The following AGBL4 variants were observed in gnomAD, a reference collection of about 807,000 sequenced individuals.
AGBL4 encodes the protein AGBL carboxypeptidase 4.
In AGBL4, 58 loss-of-function variants were observed where a neutral mutation model predicts 66.4. The observed-to-expected ratio is 0.87, with a 90% CI of 0.71 to 1.09. The LOEUF is 1.09. Ranked by LOEUF, AGBL4 falls within the 50% of genes least tolerant of loss-of-function variation. The pLI, the probability that AGBL4 is intolerant of heterozygous loss-of-function variation, is 0.00. For missense variants in AGBL4, 579 were observed against 631.0 expected, an observed-to-expected ratio of 0.92 and a Z score of 0.88; for synonymous variants, 234 against 222.9, an observed-to-expected ratio of 1.05 and a Z score of -0.44.
chr1:48,710,278 C>T (rs749881532), intron 6 of AGBL4, among the ~76,000 whole-genome samples: 1 of 152,294 alleles, frequency 6.6e-6, no homozygotes, highest in Admixed American at 6.5e-5. Context: ...GGACTCTGAG[C>T]TCTGAAGTTC....
At chr1:49,787,061 G>T (rs1474164791) in intron 2 of AGBL4, among the ~76,000 whole-genome samples, 1 of 152,036 alleles carries the variant, frequency 6.6e-6, no homozygotes, top group East Asian at 1.9e-4. Flanking sequence ...CGCTCCCTAA[G>T]TCCCCCCTGT....
At chr1:48,754,115 C>T (rs1372165460) in intron 6 of AGBL4, among the ~76,000 whole-genome samples, 1 of 152,200 alleles carries the variant, frequency 6.6e-6, no homozygotes, top group African/African-American at 2.4e-5. Context: ...ATTATACTGT[C>T]TAAGTGGTAC....
intron 4 of AGBL4, among the ~76,000 whole-genome samples, chr1:49,094,074 T>C (rs759330546): frequency 1.3e-5 from 2 of 152,138 alleles, no homozygotes; most frequent in Non-Finnish European, 2.9e-5. Context: ...GAGCTCTGGC[T>C]AAAATGAAAA....
chr1:49,754,742 C>T (rs1237791104), intron 2 of AGBL4, among the ~76,000 whole-genome samples: 1 of 152,214 alleles, frequency 6.6e-6, no homozygotes, highest in South Asian at 2.1e-4. Flanking sequence ...CCACTGCTCT[C>T]TTCAGAGCCA....
intron 3 of AGBL4, among the ~76,000 whole-genome samples, chr1:49,671,532 A>G (rs1473882006): frequency 6.6e-6 from 1 of 152,162 alleles, no homozygotes; most frequent in Admixed American, 6.6e-5. Flanking sequence ...GAAGCTATCA[A>G]CAGAATAAAC....
At chr1:49,656,420 CACAGG>C (rs1158281158) in intron 3 of AGBL4, among the ~76,000 whole-genome samples, 37 of 152,088 alleles carry the variant, frequency 2.4e-4, no homozygotes, top group Non-Finnish European at 4.9e-4. Flanking sequence ...CGAATTCTAC[CACAGG>C]TACAAGGAGG....
chr1:49,514,919 G>A (rs367620058), intron 3 of AGBL4, among the ~76,000 whole-genome samples: 4 of 151,822 alleles, frequency 2.6e-5, no homozygotes, highest in Non-Finnish European at 5.9e-5. Flanking sequence ...TGTTAGACCT[G>A]AAACCATAAA....
intron 3 of AGBL4, among the ~76,000 whole-genome samples, chr1:49,345,302 G>C (rs1312583857): frequency 6.6e-6 from 1 of 152,130 alleles, no homozygotes. Flanking sequence ...GTGCAACAGA[G>C]ATAATAAAAT....
chr1:49,011,593 G>A lies in AGBL4; in HGVS notation c.594+33991C>T, dbSNP rs1662418470. On this transcript the variant is annotated intron_variant, in intron 5 of 13. Coordinates refer to ENST00000371839, the MANE Select transcript of AGBL4 (RefSeq NM_032785.4). ...AGACACATGCACACATATGTTTATT[G>A]CGGCACTATTCACAATAGCAAAGAC... is the stretch of plus-strand genomic sequence containing the variant. Among the ~76,000 whole-genome samples the A allele has an allele frequency of 5.3e-5, 8 of 152,162 alleles. No homozygotes were observed. In the South Asian group the frequency reaches 1.7e-3, roughly 32 times the overall value.
intron 2 of AGBL4, among the ~76,000 whole-genome samples, chr1:49,827,362 A>G (rs1645537999): frequency 6.6e-6 from 1 of 152,180 alleles, no homozygotes; most frequent in African/African-American, 2.4e-5. Flanking sequence ...AGCTGACTCT[A>G]GAATGACTAG....
At chr1:49,762,063 T>C (rs1366356241) in intron 2 of AGBL4, among the ~76,000 whole-genome samples, 5 of 152,234 alleles carry the variant, frequency 3.3e-5, no homozygotes, top group Non-Finnish European at 7.3e-5. Context: ...TGCTTTGACA[T>C]ACCAATTTCA....
chr1:48,603,789 T>C (rs1256790671), intron 9 of AGBL4, among the ~76,000 whole-genome samples: 1 of 151,786 alleles, frequency 6.6e-6, no homozygotes, highest in South Asian at 2.1e-4. Context: ...AATTTAAAAA[T>C]GATAAGGTCC....
chr1:49,901,420 G>A (rs2148190273), intron 1 of AGBL4, among the ~76,000 whole-genome samples: 1 of 152,182 alleles, frequency 6.6e-6, no homozygotes, highest in African/African-American at 2.4e-5. Context: ...AAAGCCAAAT[G>A]AGGAATGAAA....
chr1:49,919,463 A>C (rs1300252924), intron 1 of AGBL4, among the ~76,000 whole-genome samples: 5 of 152,212 alleles, frequency 3.3e-5, no homozygotes, highest in Non-Finnish European at 1.5e-5. Flanking sequence ...CAGAGAGCCA[A>C]ATCATGAATG....
At chr1:49,408,199 C>T (rs976684573) in intron 3 of AGBL4, among the ~76,000 whole-genome samples, 9 of 152,098 alleles carry the variant, frequency 5.9e-5, no homozygotes, top group African/African-American at 1.4e-4. Flanking sequence ...AACTCTCACA[C>T]AAGTAAGGAA....
intron 3 of AGBL4, among the ~76,000 whole-genome samples, chr1:49,321,533 T>C (rs1645132166): frequency 1.3e-5 from 2 of 152,134 alleles, no homozygotes; most frequent in Admixed American, 1.3e-4. Flanking sequence ...TCTAATGAAA[T>C]AGAAAATTTA....
chr1:49,945,855 G>T (rs1655159603), intron 1 of AGBL4, among the ~76,000 whole-genome samples: 1 of 151,970 alleles, frequency 6.6e-6, no homozygotes, highest in Non-Finnish European at 1.5e-5. Context: ...TGAAAGTAAA[G>T]AGGTGGAAAA....
intron 1 of AGBL4, among the ~76,000 whole-genome samples, chr1:49,927,745 C>T (rs1462096084): frequency 2.0e-5 from 3 of 149,770 alleles, no homozygotes; most frequent in African/African-American, 7.3e-5. Context: ...GTCAACAGGA[C>T]AAATCTAAGA....
intron 3 of AGBL4, among the ~76,000 whole-genome samples, chr1:49,456,371 G>A (rs1368104886): frequency 6.6e-6 from 1 of 151,702 alleles, no homozygotes; most frequent in Non-Finnish European, 1.5e-5. Flanking sequence ...ACGAACAGCT[G>A]CAAGGCCCTC....
Sources: allele counts gnomAD v4.1 joint callset (sites outside exome capture counted in the v4.1 genomes callset), GRCh38; gene constraint gnomAD v4.1.1; transcripts MANE v1.5; gene names NCBI Gene and HGNC (gene_info 2026-07-23, HGNC 2026-07-21).